The following GCNT2 variants were observed in gnomAD, a reference collection of about 807,000 sequenced individuals.
GCNT2 encodes glucosaminyl (N-acetyl) transferase 2 (I blood group).
A neutral mutation model predicts 34.2 loss-of-function variants in GCNT2; 34 were observed. The ratio of observed to expected loss-of-function variants is 1.00; its 90% CI spans 0.76 to 1.32. The LOEUF is 1.32. Ranked by LOEUF, GCNT2 falls within the 40% of genes most tolerant of loss-of-function variation. The probability of loss-of-function intolerance (pLI) is 0.00; values close to 1 mark genes in which losing one functional copy is unlikely to be tolerated. For missense variants in GCNT2, 584 were observed against 489.4 expected (o/e 1.19, Z -1.82); for synonymous variants, 212 against 188.0 (o/e 1.13, Z -1.04).
Position 10,535,804 on chromosome 6 carries a change from A to T in GCNT2, c.925+5968A>T, listed in dbSNP as rs116522431. The stretch of plus-strand genomic sequence containing the variant: ...GGAGTGCCAAGGTGTCCAAAGGGGA[A>T]GGAATAGAGAAAGGAAGATACCTGG... On this transcript the variant is annotated intron_variant, in intron 3 of 4. Coordinates refer to ENST00000495262, the MANE Select transcript of GCNT2 (RefSeq NM_145649.5). Among the ~76,000 whole-genome samples the T allele has an allele frequency of 7.0e-3, 1,072 of 152,250 alleles. 6 individuals are homozygous for T. Among genetic ancestry groups the T allele is most frequent in the Non-Finnish European group, 0.01 (704 of 67,998 alleles).
intron 3 of GCNT2, among the ~76,000 whole-genome samples, chr6:10,560,375 G>A (rs1489102501): frequency 6.6e-6 from 1 of 152,202 alleles, no homozygotes; most frequent in Non-Finnish European, 1.5e-5. Context: ...ACAGGCATGA[G>A]CCACTGCGCC....
intron 3 of GCNT2, among the ~76,000 whole-genome samples, chr6:10,547,461 A>G (rs77731909): frequency 0.013 from 1,993 of 152,214 alleles, 50 homozygotes; most frequent in African/African-American, 0.041. Flanking sequence ...CCAAGATCTC[A>G]TTTTTGAAGA....
intron 3 of GCNT2, among the ~76,000 whole-genome samples, chr6:10,561,173 C>G (rs1762963625): frequency 6.6e-6 from 1 of 151,314 alleles, no homozygotes; most frequent in South Asian, 2.1e-4. Flanking sequence ...TTTTCTTTTT[C>G]TTTTTTTTTG....
chr6:10,616,312 C>T (rs922322697), intron 3 of GCNT2, among the ~76,000 whole-genome samples: 5 of 150,288 alleles, frequency 3.3e-5, no homozygotes, highest in African/African-American at 7.3e-5. Context: ...GCTGTATGGA[C>T]CCAAACAGTA....
rs140033751 is a variant in GCNT2, at chr6:10,541,551, G to A, written c.925+11715G>A. ...GGATCGCTGGGTCAAATTCCTATAC[G>A]TTTTAGTTCAGGTCTAGAAAAGTAA... On this transcript the variant is annotated intron_variant, in intron 3 of 4. Transcript: ENST00000495262. 7.1e-3 allele frequency among the ~76,000 whole-genome samples: 1,076 copies of A among 152,184 alleles called. 10 individuals are homozygous for A. The highest frequency in any genetic ancestry group is 0.024 in the African/African-American group (1,016 of 41,518).
At chr6:10,616,877 T>C (rs1765791536) in intron 3 of GCNT2, among the ~76,000 whole-genome samples, 1 of 152,218 alleles carries the variant, frequency 6.6e-6, no homozygotes, top group Non-Finnish European at 1.5e-5. Context: ...AGGGTGCTGA[T>C]TGGTGTGTTT....
intron 3 of GCNT2, chr6:10,556,394 G>A (rs574096051): frequency 6.2e-7 from 1 of 1,612,962 alleles, no homozygotes; most frequent in South Asian, 1.1e-5. Flanking sequence ...GATTTTGACG[G>A]TCTCTTGACA....
At chr6:10,544,222 G>T (rs1210123938) in intron 3 of GCNT2, among the ~76,000 whole-genome samples, 2 of 150,884 alleles carry the variant, frequency 1.3e-5, no homozygotes, top group Non-Finnish European at 3.0e-5. Context: ...GCTGAGACAG[G>T]AGAATTGCAT....
At chr6:10,548,893 G>T (rs747843741) in intron 3 of GCNT2, among the ~76,000 whole-genome samples, 1 of 152,066 alleles carries the variant, frequency 6.6e-6, no homozygotes, top group African/African-American at 2.4e-5. Flanking sequence ...CAAGTAGCTC[G>T]GATTACAGGC....
intron 3 of GCNT2, among the ~76,000 whole-genome samples, chr6:10,582,521 T>TAA: frequency 8.2e-6 from 1 of 122,314 alleles, no homozygotes; most frequent in South Asian, 2.2e-4. Context: ...ATATATTATA[T>TAA]TATACATCAT....
chr6:10,536,035 G>A (rs890194016), intron 3 of GCNT2, among the ~76,000 whole-genome samples: 5 of 152,032 alleles, frequency 3.3e-5, no homozygotes, highest in East Asian at 3.9e-4. Flanking sequence ...GATATATCCC[G>A]TTAGTTCCTC....
chr6:10,560,514 G>A (rs902910907), intron 3 of GCNT2, among the ~76,000 whole-genome samples: 2 of 152,082 alleles, frequency 1.3e-5, no homozygotes, highest in African/African-American at 2.4e-5. Flanking sequence ...CAAAGCGACC[G>A]CCTCCCTTTC....
At chr6:10,590,799 G>T (rs757896133) in intron 3 of GCNT2, among the ~76,000 whole-genome samples, 2 of 152,058 alleles carry the variant, frequency 1.3e-5, no homozygotes, top group Non-Finnish European at 2.9e-5. Context: ...TGATCTGCCC[G>T]CCTCGGCCTC....
At chr6:10,623,799 A>T (rs946693350) in intron 4 of GCNT2, among the ~76,000 whole-genome samples, 2 of 152,172 alleles carry the variant, frequency 1.3e-5, no homozygotes, top group Non-Finnish European at 2.9e-5. Flanking sequence ...CACCTAAACC[A>T]TGTTGTTTTT....
At position 10,528,717 on chromosome 6, in the gene GCNT2, A is replaced by AC; in HGVS notation, c.-193dup. 3.2e-6 allele frequency: 2 copies of AC among 619,948 alleles called. No individual in the cohort carries two copies. Among genetic ancestry groups the AC allele is most frequent in the Admixed American group, 2.8e-5 (1 of 35,358 alleles). 38.4% of individuals were successfully genotyped at this position (619,948 alleles called of 1,614,324 possible). A position where few individuals can be genotyped will look rare whatever the true frequency, so the allele number is the denominator to read the frequency against. ...TGTGTCACAGAAAAGTGAAAATGCA[A>AC]CCTAGTGGTAAGTGAAGAGGGGAAG... On this transcript the variant is annotated 5_prime_UTR_variant, in exon 3 of 5. The change abolishes the stop of an existing upstream ORF in the 5' untranslated region. Transcript: ENST00000495262.
chr6:10,602,320 C>T (rs986588089), intron 3 of GCNT2, among the ~76,000 whole-genome samples: 1 of 152,180 alleles, frequency 6.6e-6, no homozygotes, highest in Non-Finnish European at 1.5e-5. Flanking sequence ...TTCCCAGACA[C>T]GTCCAAGATT....
rs1561846079 is a variant in GCNT2, at chr6:10,627,690, CAT to C, written c.*1085_*1086del. The C allele has an allele frequency of 6.6e-6, 1 of 152,108 alleles. No homozygotes were observed. Among genetic ancestry groups the C allele is most frequent in the Admixed American group, 6.5e-5 (1 of 15,280 alleles). 9.4% of individuals were successfully genotyped at this position (152,108 alleles called of 1,614,324 possible). ...GACATGTACTGAGACAAAAAGGAAACATAAGAGCTTTTTCACTCTAAAAATCT... is the reference window on the plus strand; with the variant it reads ...GACATGTACTGAGACAAAAAGGAAACAAGAGCTTTTTCACTCTAAAAATCT... On this transcript the variant is annotated 3_prime_UTR_variant, in exon 5 of 5. Coordinates refer to ENST00000495262, the MANE Select transcript of GCNT2 (RefSeq NM_145649.5).
At chr6:10,562,019 C>G (rs11966855) in intron 3 of GCNT2, among the ~76,000 whole-genome samples, 38,392 of 152,012 alleles carry the variant, frequency 0.25, 5,090 homozygotes, top group African/African-American at 0.32. Flanking sequence ...GTCAGAAACT[C>G]AACTCAAAGG....
chr6:10,523,742 G>A (rs1401870681), intron 1 of GCNT2, among the ~76,000 whole-genome samples: 1 of 152,082 alleles, frequency 6.6e-6, no homozygotes, highest in Non-Finnish European at 1.5e-5. Flanking sequence ...GGAGGCCGGG[G>A]TGGGCGGATC....
Sources: gnomAD v4.1 joint callset for allele counts (sites outside exome capture counted in the v4.1 genomes callset) on GRCh38, gnomAD v4.1.1 for gene constraint, MANE v1.5 for transcripts, NCBI Gene and HGNC (gene_info 2026-07-23, HGNC 2026-07-21) for gene names.